DNAH2: variants seen among roughly 807,000 people sequenced by gnomAD.
DNAH2 encodes dynein axonemal heavy chain 2, also known as axonemal beta dynein heavy chain 2.
A neutral mutation model predicts 523.5 loss-of-function variants in DNAH2; 323 were observed. The observed-to-expected ratio is 0.62, with a 90% CI of 0.56 to 0.68. DNAH2 has a LOEUF of 0.68. Among genes scored for constraint, DNAH2 ranks in the 30% least tolerant of loss-of-function variants. DNAH2 has a pLI of 0.00. For missense variants in DNAH2, 4,907 were observed against 5,701.5 expected (o/e 0.86, Z 4.49); for synonymous variants, 2,093 against 2,177.4 (o/e 0.96, Z 1.08).
chr17:7,791,960 T>C lies in DNAH2; in HGVS notation c.6944T>C (p.Met2315Thr), dbSNP rs1318896671. The change falls in exon 45 of 86, where the codon ATG becomes ACG. Residue 2315 changes from methionine (M) to threonine (T), a missense_variant. By Grantham distance (81) the Met-to-Thr change is moderately conservative. Around this residue, in one of 3 missense-constraint regions of DNAH2, gnomAD observed 2,806 missense variants for 3,190.8 expected, o/e 0.88. Transcript: ENST00000572933. ...DGENYVTMVEMTFVFSMIWSV... is the reference protein window; with the variant it reads ...DGENYVTMVETTFVFSMIWSV... Reference sequence around the variant, plus strand: ...GAGAACTATGTCACCATGGTAGAGATGACATTTGTGTTCAGCATGATCTGG... The same window carrying C: ...GAGAACTATGTCACCATGGTAGAGACGACATTTGTGTTCAGCATGATCTGG... 6.2e-7 allele frequency: 1 copy of C among 1,613,244 alleles called. No homozygotes were observed.
intron 77 of DNAH2, 98 bp from the exon 78 acceptor site, chr17:7,830,202 T>C: frequency 7.5e-7 from 1 of 1,325,084 alleles, no homozygotes; most frequent in Non-Finnish European, 1.0e-6. Context: ...GCCAGTGCCT[T>C]TGTGCAATGA....
At position 7,770,859 on chromosome 17, in the gene DNAH2, G is replaced by A; in HGVS notation, c.4288G>A (p.Glu1430Lys). The A allele has an allele frequency of 1.9e-6, 3 of 1,614,168 alleles. No individual in the cohort carries two copies. Among genetic ancestry groups the A allele is most frequent in the Non-Finnish European group, 2.5e-6 (3 of 1,180,028 alleles). ...CTTTGAGAAGGATGTGGACCACTGGGAACGCTGCCTCTCCCTCATTTTGGA... is the reference window on the plus strand; with the variant it reads ...CTTTGAGAAGGATGTGGACCACTGGAAACGCTGCCTCTCCCTCATTTTGGA... ...KAFEKDVDHW[E>K]RCLSLILEVI... is the part of the protein sequence containing the mutation. The change falls in exon 27 of 86, where the codon GAA (glutamate) becomes AAA (lysine). Residue 1430 changes from glutamate to lysine, a missense_variant. Physicochemically the swap from Glu to Lys is moderately conservative, Grantham distance 56. Coordinates refer to ENST00000572933, the MANE Select transcript of DNAH2 (RefSeq NM_020877.5).
Position 7,819,059 on chromosome 17 carries a change from G to T in DNAH2, c.10811G>T (p.Arg3604Leu). The change falls in exon 71 of 86, where the codon CGG (arginine) becomes CTG (leucine). Residue 3604 changes from arginine (R) to leucine (L), a missense_variant. By Grantham distance (102) the Arg-to-Leu change is moderately radical. Around this residue, in one of 3 missense-constraint regions of DNAH2, gnomAD observed 1,851 missense variants for 2,139.4 expected, o/e 0.87. Coordinates refer to ENST00000572933, the MANE Select transcript of DNAH2 (RefSeq NM_020877.5). ...ACAGAGATCAACACTGACTTGGCGC[G>T]GGAGGTAAGCTCCCGGCCCTCCAGT... is the stretch of plus-strand genomic sequence containing the variant. ...ETTEINTDLA[R>L]EAYRPCAQRA... is the part of the protein sequence containing the mutation. The T allele has an allele frequency of 6.2e-7, 1 of 1,604,142 alleles. No individual in the cohort carries two copies.
At chr17:7,820,663 T>C (rs1293270244) in intron 72 of DNAH2, among the ~76,000 whole-genome samples, 2 of 152,236 alleles carry the variant, frequency 1.3e-5, no homozygotes, top group African/African-American at 4.8e-5. Flanking sequence ...TTCATCTTTG[T>C]GTCTTCAGGA....
Position 7,719,127 on chromosome 17 carries a change from C to CT in DNAH2, c.-15+346dup, listed in dbSNP as rs34833123. ...CCTCATTAGTGGGGTGTCTGGCCAT[C>CT]TTTTTTTTTTTTTTTTTTGAGATAG... On this transcript the variant is annotated intron_variant, in intron 1 of 85. Transcript: ENST00000572933. Among the ~76,000 whole-genome samples the CT allele has an allele frequency of 1.7e-3, 230 of 136,478 alleles. 1 individual carries two copies. The highest frequency in any genetic ancestry group is 5.1e-3 in the African/African-American group (187 of 36,660). 89.5% of individuals were successfully genotyped at this position (136,478 alleles called of 152,430 possible).
intron 61 of DNAH2, among the ~76,000 whole-genome samples, chr17:7,806,692 A>ATG (rs2077376530): frequency 6.7e-6 from 1 of 149,878 alleles, no homozygotes; most frequent in Non-Finnish European, 1.5e-5. Flanking sequence ...AGATAGAAGA[A>ATG]TGTATTGCTG....
intron 18 of DNAH2, among the ~76,000 whole-genome samples, chr17:7,762,221 C>G (rs1038455552): frequency 6.6e-5 from 10 of 152,064 alleles, no homozygotes; most frequent in African/African-American, 2.4e-4. Flanking sequence ...GTGGTAAATA[C>G]TGTGATGAAG....
Position 7,824,223 on chromosome 17 carries a change from G to T in DNAH2, c.11581G>T (p.Ala3861Ser). 6.2e-7 allele frequency: 1 copy of T among 1,606,466 alleles called. No individual in the cohort carries two copies. Among genetic ancestry groups the T allele is most frequent in the Non-Finnish European group, 8.5e-7 (1 of 1,177,628 alleles). ...LLQLAEHMGM[A>S]QRFHALSLGQ... ...GCAGCTGGCAGAGCACATGGGCATG[G>T]CCCAGCGCTTCCACGCCCTGTCCCT... Residue 3861 changes from alanine (A) to serine (S), a missense_variant, in exon 76 of 86, where the codon GCC (alanine) becomes TCC (serine). Ala to Ser is a moderately conservative substitution (Grantham distance 99). Transcript: ENST00000572933.
At chr17:7,797,962 T>C (rs1185542212) in intron 53 of DNAH2, 133 bp downstream of exon 53, 11 of 1,403,986 alleles carry the variant, frequency 7.8e-6, no homozygotes, top group East Asian at 2.3e-5. Context: ...CCAGATGCCC[T>C]GTGGCAGTGT....
chr17:7,727,499 A>G (rs976822094), intron 4 of DNAH2, among the ~76,000 whole-genome samples: 2 of 152,162 alleles, frequency 1.3e-5, no homozygotes, highest in African/African-American at 4.8e-5. Context: ...CACGCCTGTA[A>G]TCCCATCACT....
At chr17:7,790,115 C>T (rs1437698873) in intron 44 of DNAH2, among the ~76,000 whole-genome samples, 4 of 152,198 alleles carry the variant, frequency 2.6e-5, no homozygotes, top group Non-Finnish European at 5.9e-5. Context: ...GGTGGGATGG[C>T]CCCATGTGCT....
intron 44 of DNAH2, among the ~76,000 whole-genome samples, 177 bp from the exon 45 acceptor site, chr17:7,791,740 G>A (rs1408434938): frequency 6.6e-6 from 1 of 152,194 alleles, no homozygotes; most frequent in Non-Finnish European, 1.5e-5. Context: ...TTTCAGGTTT[G>A]TCTGTCTTTC....
Position 7,757,233 on chromosome 17 carries a change from A to T in DNAH2, c.2047A>T (p.Asn683Tyr). Residue 683 changes from asparagine (N) to tyrosine (Y), a missense_variant, in exon 13 of 86, where the codon AAT becomes TAT. Around this residue, in one of 3 missense-constraint regions of DNAH2, gnomAD observed 2,806 missense variants for 3,190.8 expected, o/e 0.88. Transcript: ENST00000572933. ...ENLLLVARDY[N>Y]RIIAMLSPDE... is the part of the protein sequence containing the mutation. The stretch of plus-strand genomic sequence containing the variant: ...TCTGCTACTCGTTGCTAGAGACTAC[A>T]ATAGGTAGGGCTTCAGTCCTCACTG... 1 of 1,614,038 alleles carries T rather than the reference A, an allele frequency of 6.2e-7. No individual in the cohort carries two copies. The highest frequency in any genetic ancestry group is 8.5e-7 in the Non-Finnish European group (1 of 1,179,958).
At position 7,817,581 on chromosome 17, in the gene DNAH2, T is replaced by C. The variant is rs761017387; in HGVS notation, c.10041T>C (p.Pro3347=). The C allele has an allele frequency of 5.0e-5, 80 of 1,614,048 alleles. No individual in the cohort carries two copies. Among genetic ancestry groups the C allele is most frequent in the Non-Finnish European group, 6.5e-5 (77 of 1,180,028 alleles). The change falls in exon 66 of 86, where the codon CCT becomes CCC. Residue 3347 remains proline, a synonymous_variant. Transcript: ENST00000572933. ...WIGKIWELQV[P]CSPSFAIDNF... ...CCCAGATCTGGGAGCTTCAGGTTCC[T>C]TGCTCCCCTTCTTTCGCCATCGATA...
At chr17:7,751,482 C>T (rs2075681475) in intron 12 of DNAH2, among the ~76,000 whole-genome samples, 2 of 151,974 alleles carry the variant, frequency 1.3e-5, no homozygotes, top group South Asian at 2.1e-4. Context: ...ATGTTTGATC[C>T]ATTTGAAATT....
At position 7,780,556 on chromosome 17, in the gene DNAH2, TCTGA is replaced by T. The variant is rs2076575920; in HGVS notation, c.5851-70_5851-67del. 3.2e-6 allele frequency: 5 copies of T among 1,587,176 alleles called. No individual in the cohort carries two copies. The highest frequency in any genetic ancestry group is 4.5e-5 in the East Asian group (2 of 44,546). On this transcript the variant is annotated intron_variant, in intron 37 of 85. Coordinates refer to ENST00000572933, the MANE Select transcript of DNAH2 (RefSeq NM_020877.5). This position sits in a 1 kb window ranked among gnomAD's most constrained non-coding sequence, Gnocchi z 4.4. Reference sequence around the variant, plus strand: ...ATGTCCTGGGACCTGGCTTCTTGTCTCTGACTGTCCTGAGATGAAGCAGAGGGAT... The same window carrying T: ...ATGTCCTGGGACCTGGCTTCTTGTCTCTGTCCTGAGATGAAGCAGAGGGAT...
Position 7,798,635 on chromosome 17 carries a change from G to T in DNAH2, c.8476G>T (p.Asp2826Tyr). The change falls in exon 55 of 86, where the codon GAT becomes TAT. Residue 2826 changes from aspartate (D) to tyrosine (Y), a missense_variant. This residue lies in a region of DNAH2 where 1,851 missense variants were observed against 2,139.4 expected (regional missense o/e 0.87). Transcript: ENST00000572933. This position sits in a 1 kb window ranked among gnomAD's most constrained non-coding sequence, Gnocchi z 5.5. ...SFIFVDTQIA[D>Y]ESFLEDINNI... is the part of the protein sequence containing the mutation. ...CATTTTTGTGGACACCCAAATAGCTGATGAGTCCTTCCTAGAGGACATCAA... is the reference window on the plus strand; with the variant it reads ...CATTTTTGTGGACACCCAAATAGCTTATGAGTCCTTCCTAGAGGACATCAA... 1 of 1,614,042 alleles carries T rather than the reference G, an allele frequency of 6.2e-7. No individual in the cohort carries two copies. Among genetic ancestry groups the T allele is most frequent in the South Asian group, 1.1e-5 (1 of 91,090 alleles).
intron 72 of DNAH2, 50 bp downstream of exon 72, chr17:7,819,458 G>A: frequency 6.2e-7 from 1 of 1,604,006 alleles, no homozygotes; most frequent in Non-Finnish European, 8.5e-7. Flanking sequence ...AGTGGCTGTG[G>A]TTCTTCTGGC....
At position 7,780,478 on chromosome 17, in the gene DNAH2, GTCAT is replaced by G; in HGVS notation, c.5851-148_5851-145del. ...CGTGATATCACTAACTGACAATGGC[GTCAT>G]TCACACAATTTCCTCAGGAGAATCC... is the stretch of plus-strand genomic sequence containing the variant. On this transcript the variant is annotated intron_variant, in intron 37 of 85. Coordinates refer to ENST00000572933, the MANE Select transcript of DNAH2 (RefSeq NM_020877.5). The surrounding 1 kb of genome is among the most constrained non-coding windows in gnomAD (Gnocchi z 4.4). 7.3e-7 allele frequency: 1 copy of G among 1,376,762 alleles called. No homozygotes were observed. Among genetic ancestry groups the G allele is most frequent in the Non-Finnish European group, 1.0e-6 (1 of 1,001,538 alleles). The allele number at this position is 1,376,762 out of a possible 1,614,324, so 85.3% of individuals were successfully genotyped here. A position where few individuals can be genotyped will look rare whatever the true frequency, so the allele number is the denominator to read the frequency against.
Sources: gnomAD v4.1 joint callset for allele counts (sites outside exome capture counted in the v4.1 genomes callset) on GRCh38, gnomAD v4.1.1 for gene constraint, gnomAD v4.1.1 regional missense constraint, Gnocchi (gnomAD v3.1) non-coding constraint, MANE v1.5 for transcripts, NCBI Gene and HGNC (gene_info 2026-07-23, HGNC 2026-07-21) for gene names.